MSANTD2: variants seen among roughly 807,000 people sequenced by gnomAD.
MSANTD2 encodes myb/SANT-like DNA-binding domain-containing protein 2.
A neutral mutation model predicts 52.6 loss-of-function variants in MSANTD2; 19 were observed. The ratio of observed to expected loss-of-function variants is 0.36; its 90% CI spans 0.25 to 0.53. The LOEUF (loss-of-function observed/expected upper bound fraction) is 0.53. Among genes scored for constraint, MSANTD2 ranks in the 20% least tolerant of loss-of-function variants. The pLI, the probability that MSANTD2 is intolerant of heterozygous loss-of-function variation, is 0.91. For missense variants in MSANTD2, 558 were observed against 716.3 expected (o/e 0.78, Z 2.52); for synonymous variants, 291 against 289.7 (o/e 1.00, Z -0.04).
At chr11:124,772,761 A>G (rs1240495400) in intron 3 of MSANTD2, among the ~76,000 whole-genome samples, 2 of 151,320 alleles carry the variant, frequency 1.3e-5, no homozygotes, top group Admixed American at 6.6e-5. Flanking sequence ...AAAAAAAAAA[A>G]AAAAAAAAAG....
chr11:124,793,642 G>A lies in MSANTD2; in HGVS notation c.510+6229C>T, dbSNP rs181901949. ...AGAGCCACCTGTGGCTAGTAATGCC[G>A]TACTGGACAGTGCAAATTCAGAACA... On this transcript the variant is annotated intron_variant, in intron 1 of 3. Coordinates refer to ENST00000374979, the MANE Select transcript of MSANTD2 (RefSeq NM_001308027.2). Among the ~76,000 whole-genome samples the A allele has an allele frequency of 2.4e-3, 373 of 152,330 alleles. 1 individual carries two copies. Among genetic ancestry groups the A allele is most frequent in the Admixed American group, 3.9e-3 (60 of 15,306 alleles).
At chr11:124,782,462 T>C (rs1945014823) in intron 1 of MSANTD2, among the ~76,000 whole-genome samples, 1 of 151,656 alleles carries the variant, frequency 6.6e-6, no homozygotes, top group Non-Finnish European at 1.5e-5. Flanking sequence ...CTAAAAAAAA[T>C]AAAAATAGAA....
rs1244628238 is a variant in MSANTD2, at chr11:124,774,037, G to C, written c.766+682C>G. ...ACAACTACATATATACTCTTAGTTA[G>C]GCCCTACAAGTTTAGATTTGATGAC... On this transcript the variant is annotated intron_variant, in intron 2 of 3. Transcript: ENST00000374979. The surrounding 1 kb of genome is among the most constrained non-coding windows in gnomAD (Gnocchi z 5.1). 6.6e-6 allele frequency among the ~76,000 whole-genome samples: 1 copy of C among 152,164 alleles called. No homozygotes were observed. The highest frequency in any genetic ancestry group is 1.5e-5 in the Non-Finnish European group (1 of 68,024).
chr11:124,790,596 G>A (rs1161362731), intron 1 of MSANTD2: 1 of 152,220 alleles, frequency 6.6e-6, no homozygotes, highest in Non-Finnish European at 1.5e-5. Context: ...CTTACTGCAA[G>A]AAGCCTCTAA....
chr11:124,773,117 A>G (rs1944600903), intron 2 of MSANTD2, 63 bp from the exon 3 acceptor site: 4 of 902,820 alleles, frequency 4.4e-6, no homozygotes, highest in Admixed American at 1.9e-5. Context: ...ATGTATGTAG[A>G]TAAGTAGCTA....
chr11:124,769,736 C>A (rs996661572), intron 3 of MSANTD2, among the ~76,000 whole-genome samples: 1 of 152,212 alleles, frequency 6.6e-6, no homozygotes, highest in African/African-American at 2.4e-5. Flanking sequence ...CCTATACCTA[C>A]AGAGAAAAAG....
rs765975107 is a variant in MSANTD2 at position 124,799,640 on chromosome 11, G to A, written c.510+231C>T. 2.6e-4 allele frequency among the ~76,000 whole-genome samples: 39 copies of A among 152,320 alleles called. 1 individual carries two copies. The highest frequency in any genetic ancestry group is 2.3e-3 in the Admixed American group (35 of 15,310). On this transcript the variant is annotated intron_variant, in intron 1 of 3. Coordinates refer to ENST00000374979, the MANE Select transcript of MSANTD2 (RefSeq NM_001308027.2). ...CAGGAACATCTCAATTGGCAAGAAA[G>A]AGGGGCGGCGGCAGGCACGCCCAAC...
chr11:124,787,912 G>A (rs1945210117), intron 1 of MSANTD2, among the ~76,000 whole-genome samples: 1 of 151,862 alleles, frequency 6.6e-6, no homozygotes, highest in Admixed American at 6.6e-5. Flanking sequence ...TGGGCAACAT[G>A]GCAAAACCCC....
At chr11:124,784,079 C>A in intron 1 of MSANTD2, 1 of 984,994 alleles carries the variant, frequency 1.0e-6, no homozygotes, top group South Asian at 4.7e-5. Context: ...AGTATATAAG[C>A]AGCAATAGGT....
chr11:124,774,958 T>C lies in MSANTD2; in HGVS notation c.527A>G (p.Tyr176Cys). The C allele has an allele frequency of 6.4e-7, 1 of 1,560,310 alleles. No individual in the cohort carries two copies. The highest frequency in any genetic ancestry group is 8.6e-7 in the Non-Finnish European group (1 of 1,157,344). ...RERIKTLRRCYSRVKEHGVGK... is the reference protein window; with the variant it reads ...RERIKTLRRCCSRVKEHGVGK... ...AACACCATGTTCTTTCACCCGACTG[T>C]AACACCTGCGAAGGGTCTAAGACAC... The change falls in exon 2 of 4, where the codon TAC (tyrosine) becomes TGC (cysteine). Residue 176 changes from tyrosine to cysteine, a missense_variant. By Grantham distance (194) the Tyr-to-Cys change is radical. Transcript: ENST00000374979. The surrounding 1 kb of genome is among the most constrained non-coding windows in gnomAD (Gnocchi z 5.1).
intron 1 of MSANTD2, chr11:124,791,387 C>A: frequency 7.4e-7 from 1 of 1,356,886 alleles, no homozygotes; most frequent in Non-Finnish European, 1.1e-6. Context: ...TTACGGGCTA[C>A]ATCATCAAAA....
chr11:124,787,932 A>C (rs186330875), intron 1 of MSANTD2, among the ~76,000 whole-genome samples: 3 of 152,154 alleles, frequency 2.0e-5, no homozygotes, highest in Non-Finnish European at 4.4e-5. Flanking sequence ...CATCTCTACA[A>C]AAAAATACAA....
At chr11:124,788,488 C>T (rs1945235572) in intron 1 of MSANTD2, among the ~76,000 whole-genome samples, 2 of 152,024 alleles carry the variant, frequency 1.3e-5, no homozygotes, top group South Asian at 4.1e-4. Context: ...CCTGATTTTT[C>T]CTCTTAATTT....
chr11:124,795,947 T>C (rs1157622324), intron 1 of MSANTD2, among the ~76,000 whole-genome samples: 2 of 152,206 alleles, frequency 1.3e-5, no homozygotes, highest in South Asian at 2.1e-4. Flanking sequence ...AAACAATCTA[T>C]GTAGTAAGGC....
intron 1 of MSANTD2, among the ~76,000 whole-genome samples, chr11:124,787,517 A>C (rs1945199000): frequency 1.3e-5 from 2 of 152,122 alleles, no homozygotes; most frequent in African/African-American, 4.8e-5. Flanking sequence ...AGTAGCTGGG[A>C]CTATAGGTGT....
At chr11:124,783,934 A>G in intron 1 of MSANTD2, 1 of 985,396 alleles carries the variant, frequency 1.0e-6, no homozygotes, top group Non-Finnish European at 1.2e-6. Flanking sequence ...ATACTTGTAA[A>G]GGTCACACCT....
At chr11:124,781,820 T>A (rs1171881295) in intron 1 of MSANTD2, among the ~76,000 whole-genome samples, 1 of 152,004 alleles carries the variant, frequency 6.6e-6, no homozygotes, top group Non-Finnish European at 1.5e-5. Flanking sequence ...GCTCGGCTAA[T>A]TTTTATATTT....
At chr11:124,772,934 T>G in intron 3 of MSANTD2, 60 bp downstream of exon 3, 1 of 1,049,862 alleles carries the variant, frequency 9.5e-7, no homozygotes, top group Non-Finnish European at 1.5e-6. Flanking sequence ...TTTCTGATCT[T>G]CCCAATGGTC....
At chr11:124,796,786 T>G (rs188278903) in intron 1 of MSANTD2, among the ~76,000 whole-genome samples, 1 of 152,338 alleles carries the variant, frequency 6.6e-6, no homozygotes, top group African/African-American at 2.4e-5. Flanking sequence ...TTTTGTAAAA[T>G]CTAAAGCAAA....
Sources: allele counts gnomAD v4.1 joint callset (sites outside exome capture counted in the v4.1 genomes callset), GRCh38; gene constraint gnomAD v4.1.1; non-coding constraint Gnocchi (gnomAD v3.1); transcripts MANE v1.5; gene names NCBI Gene and HGNC (gene_info 2026-07-23, HGNC 2026-07-21).